The following ZNF625 variants were observed in gnomAD, a reference collection of about 807,000 sequenced individuals.
The protein encoded by ZNF625 is zinc finger protein 625.
Under a neutral mutation model 11.1 loss-of-function variants are expected in ZNF625, and 8 were observed. The observed-to-expected ratio is 0.72, with a 90% confidence interval of 0.42 to 1.30. The LOEUF is 1.30. Ranked by LOEUF, ZNF625 falls within the 50% of genes most tolerant of loss-of-function variation. ZNF625 has a pLI of 0.01. For missense variants in ZNF625, 349 were observed against 447.6 expected (o/e 0.78, Z 1.99); for synonymous variants, 145 against 153.4 (o/e 0.95, Z 0.41).
At chr19:12,153,674 T>G (rs1976988061) in intron 1 of ZNF625, among the ~76,000 whole-genome samples, 1 of 125,938 alleles carries the variant, frequency 7.9e-6, no homozygotes, top group East Asian at 2.7e-4. Flanking sequence ...ACAGAGGGAG[T>G]CTCTGTGTCA....
chr19:12,151,205 T>C (rs1434111519), intron 1 of ZNF625, among the ~76,000 whole-genome samples: 1 of 140,102 alleles, frequency 7.1e-6, no homozygotes, highest in African/African-American at 2.7e-5. Flanking sequence ...CTTGTATTTC[T>C]TTTTTTTTTT....
intron 3 of ZNF625, among the ~76,000 whole-genome samples, chr19:12,146,774 T>C (rs892467216): frequency 1.3e-5 from 2 of 152,110 alleles, no homozygotes; most frequent in Non-Finnish European, 2.9e-5. Context: ...ACTAACTGTC[T>C]TTGTCAATTT....
chr19:12,149,962 C>T (rs1976932540), intron 1 of ZNF625, among the ~76,000 whole-genome samples: 1 of 152,156 alleles, frequency 6.6e-6, no homozygotes, highest in African/African-American at 2.4e-5. Context: ...TAGTCTTGAA[C>T]TGCTGACATC....
intron 1 of ZNF625, among the ~76,000 whole-genome samples, chr19:12,152,537 C>G (rs929191763): frequency 2.9e-4 from 44 of 152,042 alleles, no homozygotes; most frequent in African/African-American, 1.1e-3. Flanking sequence ...CAAACCTCAA[C>G]ATTTCTTCAT....
intron 1 of ZNF625, among the ~76,000 whole-genome samples, chr19:12,155,626 C>A (rs182638111): frequency 6.6e-6 from 1 of 152,270 alleles, no homozygotes; most frequent in African/African-American, 2.4e-5. Flanking sequence ...ACCACTTACT[C>A]GAGGCTACAT....
intron 1 of ZNF625, among the ~76,000 whole-genome samples, chr19:12,155,114 T>G (rs1977008844): frequency 1.3e-5 from 2 of 151,354 alleles, no homozygotes; most frequent in Admixed American, 1.3e-4. Context: ...TAATTCCAGC[T>G]ACTTGGGAGG....
At chr19:12,149,191 A>G (rs745807014) in intron 1 of ZNF625, among the ~76,000 whole-genome samples, 9 of 150,352 alleles carry the variant, frequency 6.0e-5, no homozygotes, top group Non-Finnish European at 1.3e-4. Flanking sequence ...AGGCTGAGGC[A>G]GGAGAATCAC....
In ZNF625 at chr19:12,145,161, G is replaced by A. The variant is rs1976849254; in HGVS notation, c.*136C>T. On this transcript the variant is annotated 3_prime_UTR_variant, in exon 4 of 4. Transcript: ENST00000439556. The stretch of plus-strand genomic sequence containing the variant: ...CAAAAATTTTTGCTCCTGGGCTACT[G>A]GCATTTATTTCTGAATGCTGTCAAA... The A allele has an allele frequency of 5.3e-6, 6 of 1,133,986 alleles. No homozygotes were observed. Among genetic ancestry groups the A allele is most frequent in the East Asian group, 2.4e-5 (1 of 42,190 alleles). The allele number at this position is 1,133,986 out of a possible 1,614,324, so 70.2% of individuals were successfully genotyped here. A position where few individuals can be genotyped will look rare whatever the true frequency, so the allele number is the denominator to read the frequency against.
At chr19:12,154,067 A>T (rs1976995718) in intron 1 of ZNF625, among the ~76,000 whole-genome samples, 1 of 152,050 alleles carries the variant, frequency 6.6e-6, no homozygotes, top group African/African-American at 2.4e-5. Context: ...TCAGCCTCCC[A>T]AAGTGCTGGG....
At chr19:12,151,631 G>A (rs1379960337) in intron 1 of ZNF625, among the ~76,000 whole-genome samples, 3 of 151,874 alleles carry the variant, frequency 2.0e-5, no homozygotes, top group South Asian at 4.1e-4. Context: ...CGCCCGCCTC[G>A]GCCGCCCAAA....
At chr19:12,149,703 G>A (rs1485212299) in intron 1 of ZNF625, among the ~76,000 whole-genome samples, 4 of 151,736 alleles carry the variant, frequency 2.6e-5, no homozygotes, top group African/African-American at 4.8e-5. Flanking sequence ...AAGTAAGCAC[G>A]TGAAAAAGGG....
At chr19:12,151,175 C>T (rs1197508693) in intron 1 of ZNF625, among the ~76,000 whole-genome samples, 3 of 151,076 alleles carry the variant, frequency 2.0e-5, no homozygotes, top group African/African-American at 7.3e-5. Context: ...ATCTGCTCAG[C>T]TGCTAAGATC....
chr19:12,145,893 G>A lies in ZNF625; in HGVS notation c.523C>T (p.Arg175Cys). ...CEECGKSFIS[R>C]SSIRRHRIMH... ...ATCCTGTGTCTTCGAATGCTTGAAC[G>A]GGAAATAAAGCTTTTTCCACATTCC... Residue 175 changes from arginine to cysteine, a missense_variant, in exon 4 of 4, where the codon CGT becomes TGT. Coordinates refer to ENST00000439556, the MANE Select transcript of ZNF625 (RefSeq NM_145233.4). The A allele has an allele frequency of 2.5e-6, 4 of 1,614,028 alleles. No homozygotes were observed. The highest frequency in any genetic ancestry group is 3.4e-6 in the Non-Finnish European group (4 of 1,179,972).
Position 12,145,033 on chromosome 19 carries a change from T to A in ZNF625, c.*264A>T. 1 of 390,506 alleles carries A rather than the reference T, an allele frequency of 2.6e-6. No homozygotes were observed. The highest frequency in any genetic ancestry group is 4.6e-6 in the Non-Finnish European group (1 of 219,184). 24.2% of individuals were successfully genotyped at this position (390,506 alleles called of 1,614,324 possible). On this transcript the variant is annotated 3_prime_UTR_variant, in exon 4 of 4. Coordinates refer to ENST00000439556, the MANE Select transcript of ZNF625 (RefSeq NM_145233.4). Reference sequence around the variant, plus strand: ...CCGGCCAAACCTCGTATTTTTTTTATGACAGAACTGTCTTAAGGTCTTACT... The same window carrying A: ...CCGGCCAAACCTCGTATTTTTTTTAAGACAGAACTGTCTTAAGGTCTTACT...
At chr19:12,150,372 T>C (rs556220230) in intron 1 of ZNF625, among the ~76,000 whole-genome samples, 13 of 152,152 alleles carry the variant, frequency 8.5e-5, no homozygotes, top group Admixed American at 8.5e-4. Context: ...AACCCAGTTA[T>C]AGCAAAGATC....
Position 12,156,703 on chromosome 19 carries a change from G to T in ZNF625, c.-145C>A. 2 of 725,774 alleles carry T rather than the reference G, an allele frequency of 2.8e-6. No homozygotes were observed. Among genetic ancestry groups the T allele is most frequent in the Non-Finnish European group, 3.8e-6 (2 of 522,512 alleles). 45.0% of individuals were successfully genotyped at this position (725,774 alleles called of 1,614,324 possible). On this transcript the variant is annotated 5_prime_UTR_variant, in exon 1 of 4. Transcript: ENST00000439556. ...AAAACCGAGATCCCGACCTCCCTTT[G>T]GTGCAAGACGCCTGGGAGTCAGGAA...
chr19:12,146,316 T>C, intron 3 of ZNF625, 92 bp from the exon 4 acceptor site: 1 of 1,209,442 alleles, frequency 8.3e-7, no homozygotes, highest in Non-Finnish European at 1.2e-6. Context: ...TCTAACACTG[T>C]ACAGCAATGT....
At chr19:12,151,893 T>C (rs1038032135) in intron 1 of ZNF625, among the ~76,000 whole-genome samples, 4 of 152,216 alleles carry the variant, frequency 2.6e-5, no homozygotes, top group Non-Finnish European at 5.9e-5. Context: ...ATACTTTTTC[T>C]CTGTTCCTAG....
intron 1 of ZNF625, among the ~76,000 whole-genome samples, chr19:12,154,848 G>A (rs1334010880): frequency 2.0e-5 from 3 of 152,288 alleles, no homozygotes; most frequent in Non-Finnish European, 4.4e-5. Flanking sequence ...TAGTAAGGGA[G>A]ATCAGACACT....
Sources: gnomAD v4.1 joint callset for allele counts (sites outside exome capture counted in the v4.1 genomes callset) on GRCh38, gnomAD v4.1.1 for gene constraint, MANE v1.5 for transcripts, NCBI Gene and HGNC (gene_info 2026-07-23, HGNC 2026-07-21) for gene names.